MYO7B: variants seen among roughly 807,000 people sequenced by gnomAD.
The protein encoded by MYO7B is myosin VIIB.
In MYO7B, 212 loss-of-function variants were observed where a neutral mutation model predicts 259.7. That is an observed-to-expected ratio of 0.82 (90% CI 0.73 to 0.91). The LOEUF (loss-of-function observed/expected upper bound fraction) is 0.91. MYO7B is among the 40% of genes least tolerant of loss of function. The pLI is 0.00. For missense variants in MYO7B, 2,732 were observed against 2,813.5 expected (o/e 0.97, Z 0.66); for synonymous variants, 1,197 against 1,166.4 (o/e 1.03, Z -0.54).
At chr2:127,537,321 G>C (rs866784964) in intron 1 of MYO7B, among the ~76,000 whole-genome samples, 1 of 152,210 alleles carries the variant, frequency 6.6e-6, no homozygotes, top group Non-Finnish European at 1.5e-5. Context: ...GATAACCTTC[G>C]TTTGGGCCTG....
chr2:127,631,108 C>A, intron 36 of MYO7B, 98 bp from the exon 37 acceptor site: 1 of 1,449,186 alleles, frequency 6.9e-7, no homozygotes, highest in South Asian at 1.4e-5. Context: ...GTGGGGTGCT[C>A]TGGCCCTCCC....
At chr2:127,555,249 C>G (rs546595064) in intron 1 of MYO7B, among the ~76,000 whole-genome samples, 1 of 152,258 alleles carries the variant, frequency 6.6e-6, no homozygotes, top group South Asian at 2.1e-4. Context: ...GCCTGGCCGT[C>G]TAACTGATCT....
At chr2:127,549,246 C>T (rs1198817956) in intron 1 of MYO7B, among the ~76,000 whole-genome samples, 1 of 151,970 alleles carries the variant, frequency 6.6e-6, no homozygotes, top group Non-Finnish European at 1.5e-5. Flanking sequence ...GTATAAGCAA[C>T]CTAATACTAA....
At chr2:127,605,146 G>A (rs936081307) in intron 19 of MYO7B, among the ~76,000 whole-genome samples, 3 of 152,192 alleles carry the variant, frequency 2.0e-5, no homozygotes, top group Non-Finnish European at 2.9e-5. Context: ...ACTCCGTCTC[G>A]CCAGAGCCCA....
At position 127,629,743 on chromosome 2, in the gene MYO7B, G is replaced by A. The variant is rs200489409; in HGVS notation, c.4723G>A (p.Asp1575Asn). Residue 1575 changes from aspartate to asparagine, a missense_variant, in exon 35 of 48, where the codon GAC becomes AAC. This residue lies in a region of MYO7B where 821 missense variants were observed against 769.3 expected (regional missense o/e 1.07). Coordinates refer to ENST00000409816, the MANE Select transcript of MYO7B (RefSeq NM_001393586.1). ...ASENWTLGQNDRTGKTGLVPM... is the reference protein window; with the variant it reads ...ASENWTLGQNNRTGKTGLVPM... ...TGAGAACTGGACCCTCGGCCAGAAC[G>A]ACAGGACAGGCAAGACGGGGCTGGT... 2.2e-5 allele frequency: 35 copies of A among 1,612,320 alleles called. No individual in the cohort carries two copies. Among genetic ancestry groups the A allele is most frequent in the Admixed American group, 5.0e-5 (3 of 59,902 alleles).
rs1389472947 is a variant in MYO7B, at chr2:127,539,962, A to G, written c.-24+4131A>G. 1.3e-5 allele frequency among the ~76,000 whole-genome samples: 2 copies of G among 152,248 alleles called. No individual in the cohort carries two copies. The highest frequency in any genetic ancestry group is 4.8e-5 in the African/African-American group (2 of 41,462). ...TTTCCATTTCTGAGTTACTTCACTT[A>G]GAATAATGGCCTCCAGCTCCATCCA... On this transcript the variant is annotated intron_variant, in intron 1 of 47. Transcript: ENST00000409816. This position sits in a 1 kb window ranked among gnomAD's most constrained non-coding sequence, Gnocchi z 4.0.
Position 127,622,090 on chromosome 2 carries a change from C to G in MYO7B, c.3634C>G (p.Leu1212Val), listed in dbSNP as rs1680865846. ...GGTGCGTGCGGAGCCCCCCACCTGG[C>G]TGGAGCTGCAGGTAGGGGCTGGCAG... is the stretch of plus-strand genomic sequence containing the variant. The part of the protein sequence containing the change: ...NGVRAEPPTW[L>V]ELQAVKSKKH... Residue 1212 changes from leucine to valine, a missense_variant, in exon 28 of 48, where the codon CTG (leucine) becomes GTG (valine). Coordinates refer to ENST00000409816, the MANE Select transcript of MYO7B (RefSeq NM_001393586.1). The G allele has an allele frequency of 6.5e-7, 1 of 1,549,420 alleles. No individual in the cohort carries two copies. Among genetic ancestry groups the G allele is most frequent in the Non-Finnish European group, 8.7e-7 (1 of 1,145,352 alleles).
intron 42 of MYO7B, 81 bp from the exon 43 acceptor site, chr2:127,635,039 C>T (rs1006415439): frequency 3.7e-5 from 41 of 1,113,610 alleles, no homozygotes; most frequent in Admixed American, 2.0e-4. Context: ...AGGTGGCAGG[C>T]GCAGTGTGGG....
At position 127,541,108 on chromosome 2, in the gene MYO7B, AC is replaced by A. The variant is rs200494665; in HGVS notation, c.-24+5278del. On this transcript the variant is annotated intron_variant, in intron 1 of 47. Coordinates refer to ENST00000409816, the MANE Select transcript of MYO7B (RefSeq NM_001393586.1). ...AGGCAGCATCTGCTGGGCTGTCTCC[AC>A]AGTGAAGGGAGCGTCTGCTGGGCTG... 7.4e-3 allele frequency among the ~76,000 whole-genome samples: 1,125 copies of A among 151,896 alleles called. 14 individuals are homozygous for A. Among genetic ancestry groups the A allele is most frequent in the African/African-American group, 0.025 (1,053 of 41,466 alleles).
intron 28 of MYO7B, 147 bp downstream of exon 28, chr2:127,622,248 T>C: frequency 3.4e-6 from 4 of 1,191,738 alleles, no homozygotes; most frequent in Non-Finnish European, 4.5e-6. Flanking sequence ...CCCATGCCAG[T>C]GGTCCCTGTG....
In MYO7B at chr2:127,546,013, T is replaced by C. The variant is rs1437051175; in HGVS notation, c.-24+10182T>C. Among the ~76,000 whole-genome samples the C allele has an allele frequency of 2.0e-5, 3 of 152,194 alleles. No individual in the cohort carries two copies. The East Asian group carries it at 5.8e-4, about 29-fold the overall frequency. ...GGGTGGTGGCCCTTCCAACCTGTGT[T>C]CTTCTTGAGTGATGGCTTCCATGCC... On this transcript the variant is annotated intron_variant, in intron 1 of 47. Coordinates refer to ENST00000409816, the MANE Select transcript of MYO7B (RefSeq NM_001393586.1). This position sits in a 1 kb window ranked among gnomAD's most constrained non-coding sequence, Gnocchi z 4.2.
intron 7 of MYO7B, among the ~76,000 whole-genome samples, chr2:127,575,566 TA>T (rs1011669162): frequency 1.0e-4 from 15 of 147,842 alleles, no homozygotes; most frequent in Non-Finnish European, 1.6e-4. Flanking sequence ...ATGTTTTGTG[TA>T]AAAAAAAAGA....
At chr2:127,566,583 G>C in intron 4 of MYO7B, 60 bp from the exon 5 acceptor site, 1 of 1,469,016 alleles carries the variant, frequency 6.8e-7, no homozygotes, top group Non-Finnish European at 9.0e-7. Flanking sequence ...CCAAGGCCAA[G>C]GCCAGGGCCG....
In MYO7B at chr2:127,615,352, A is replaced by C. The variant is rs925072103; in HGVS notation, c.3398+2749A>C. Among the ~76,000 whole-genome samples, 7 of 152,236 alleles carry C rather than the reference A, an allele frequency of 4.6e-5. No homozygotes were observed. The highest frequency in any genetic ancestry group is 1.7e-4 in the African/African-American group (7 of 41,462). ...CTTGAGACCATCGTTATGAGACAGAACAAAGGGGGATGAACGTAGAAATGA... is the reference window on the plus strand; with the variant it reads ...CTTGAGACCATCGTTATGAGACAGACCAAAGGGGGATGAACGTAGAAATGA... On this transcript the variant is annotated intron_variant, in intron 26 of 47. Coordinates refer to ENST00000409816, the MANE Select transcript of MYO7B (RefSeq NM_001393586.1). The surrounding 1 kb of genome is among the most constrained non-coding windows in gnomAD (Gnocchi z 4.4).
intron 1 of MYO7B, among the ~76,000 whole-genome samples, chr2:127,542,787 G>A (rs940040141): frequency 1.3e-5 from 2 of 152,170 alleles, no homozygotes; most frequent in African/African-American, 2.4e-5. Flanking sequence ...CTCAGAGAAG[G>A]GGATGTGGCA....
intron 31 of MYO7B, among the ~76,000 whole-genome samples, chr2:127,625,737 C>T (rs1681075803): frequency 6.6e-6 from 1 of 152,224 alleles, no homozygotes; most frequent in African/African-American, 2.4e-5. Context: ...GTCACAGGCC[C>T]ATGCCACCTT....
At chr2:127,634,544 G>A in intron 41 of MYO7B, 52 bp from the exon 42 acceptor site, 2 of 1,510,382 alleles carry the variant, frequency 1.3e-6, no homozygotes, top group Non-Finnish European at 1.8e-6. Flanking sequence ...AGGTTCTCAG[G>A]AGGACAGTCC....
At chr2:127,556,977 GTTCCAAACTTTTAGA>G (rs1446508745) in intron 1 of MYO7B, among the ~76,000 whole-genome samples, 1 of 152,094 alleles carries the variant, frequency 6.6e-6, no homozygotes, top group Non-Finnish European at 1.5e-5. Flanking sequence ...CAAAAAATGT[GTTCCAAACTTTTAGA>G]TTTCTCATCT....
intron 19 of MYO7B, among the ~76,000 whole-genome samples, chr2:127,598,954 A>T (rs1679865861): frequency 6.6e-6 from 1 of 152,238 alleles, no homozygotes; most frequent in Admixed American, 6.5e-5. Flanking sequence ...ATGTCACAAC[A>T]TCTTGTTTAT....
Sources: allele counts gnomAD v4.1 joint callset (sites outside exome capture counted in the v4.1 genomes callset), GRCh38; gene constraint gnomAD v4.1.1; regional missense constraint gnomAD v4.1.1; non-coding constraint Gnocchi (gnomAD v3.1); transcripts MANE v1.5; gene names NCBI Gene and HGNC (gene_info 2026-07-23, HGNC 2026-07-21).